Variants in MYH14 observed in about 807,000 individuals in gnomAD.
MYH14 encodes the protein myosin-14.
A neutral mutation model predicts 255.5 loss-of-function variants in MYH14; 123 were observed. The ratio of observed to expected loss-of-function variants is 0.48; its 90% confidence interval spans 0.42 to 0.56. The LOEUF is 0.56. Ranked by LOEUF, MYH14 falls within the 20% of genes least tolerant of loss-of-function variation. MYH14 has a pLI of 0.00. For synonymous variants in MYH14, 1,095 were observed against 1,161.2 expected, an observed-to-expected ratio of 0.94 and a Z score of 1.16; for missense variants, 2,423 against 2,802.3, an observed-to-expected ratio of 0.86 and a Z score of 3.06.
intron 2 of MYH14, among the ~76,000 whole-genome samples, chr19:50,211,406 C>T (rs1192041005): frequency 1.3e-5 from 2 of 152,158 alleles, no homozygotes; most frequent in Non-Finnish European, 2.9e-5. Flanking sequence ...CATTCAATCT[C>T]ACCATAGGAA....
chr19:50,257,506 G>T lies in MYH14; in HGVS notation c.2232+20G>T, dbSNP rs763817727. 1.3e-5 allele frequency: 20 copies of T among 1,584,820 alleles called. No homozygotes were observed. The highest frequency in any genetic ancestry group is 1.7e-5 in the Non-Finnish European group (20 of 1,164,744). ...AAGAGGGTGAGTGACTCAGCCTGGG[G>T]AGGAAGGGGTGGCTGTGGCTGTGGG... On this transcript the variant is annotated intron_variant, in intron 18 of 42. Transcript: ENST00000642316.
At chr19:50,231,778 C>T (rs796454697) in intron 9 of MYH14, among the ~76,000 whole-genome samples, 152 bp from the exon 10 acceptor site, 10 of 151,874 alleles carry the variant, frequency 6.6e-5, no homozygotes, top group African/African-American at 2.2e-4. Context: ...GCCCACTCCA[C>T]CCCCGACCCT....
intron 37 of MYH14, among the ~76,000 whole-genome samples, chr19:50,292,769 T>C (rs1385818887): frequency 6.6e-6 from 1 of 151,384 alleles, no homozygotes; most frequent in African/African-American, 2.4e-5. Context: ...TCACAAAGGC[T>C]GTGGGAGTGG....
At chr19:50,224,046 T>A in intron 5 of MYH14, 108 bp from the exon 6 acceptor site, 1 of 504,342 alleles carries the variant, frequency 2.0e-6, no homozygotes. Flanking sequence ...CAGTCCCCCT[T>A]CCCCCACCCC....
rs1225332176 is a variant in MYH14, at chr19:50,309,896, T to C, written c.*106T>C. The C allele has an allele frequency of 2.5e-6, 3 of 1,211,060 alleles. No homozygotes were observed. Among genetic ancestry groups the C allele is most frequent in the Non-Finnish European group, 3.6e-6 (3 of 837,988 alleles). 75.0% of individuals were successfully genotyped at this position (1,211,060 alleles called of 1,614,324 possible). A position where few individuals can be genotyped will look rare whatever the true frequency, so the allele number is the denominator to read the frequency against. On this transcript the variant is annotated 3_prime_UTR_variant, in exon 43 of 43. Transcript: ENST00000642316. ...ACCCCGCCCTCTGACTTCTTGCCCT[T>C]TGGAAATGGTGCAGCACTCTGGCAT...
At chr19:50,224,046 T>TCCCCCCCCCCCCCTGCCCCC in intron 5 of MYH14, 108 bp from the exon 6 acceptor site, 4 of 504,358 alleles carry the variant, frequency 7.9e-6, no homozygotes, top group South Asian at 2.2e-5. Flanking sequence ...CAGTCCCCCT[T>TCCCCCCCCCCCCCTGCCCCC]CCCCCACCCC....
rs975611566 is a variant in MYH14 at position 50,221,729 on chromosome 19, G to A, written c.563-1354G>A. Among the ~76,000 whole-genome samples, 1 of 151,948 alleles carries A rather than the reference G, an allele frequency of 6.6e-6. No individual in the cohort carries two copies. The highest frequency in any genetic ancestry group is 1.5e-5 in the Non-Finnish European group (1 of 67,994). Reference sequence around the variant, plus strand: ...TGACTTCGGGTGATCTGCTGGCCTCGGCCTCCCAAAGTGCTGGGATTACAG... The same window carrying A: ...TGACTTCGGGTGATCTGCTGGCCTCAGCCTCCCAAAGTGCTGGGATTACAG... On this transcript the variant is annotated intron_variant, in intron 3 of 42. Coordinates refer to ENST00000642316, the MANE Select transcript of MYH14 (RefSeq NM_001145809.2). This position sits in a 1 kb window ranked among gnomAD's most constrained non-coding sequence, Gnocchi z 5.3.
chr19:50,249,768 C>T lies in MYH14; in HGVS notation c.1601C>T (p.Thr534Ile). The change falls in exon 14 of 43, where the codon ACC (threonine) becomes ATC (isoleucine). Residue 534 changes from threonine (T) to isoleucine (I), a missense_variant. Around this residue, in one of 3 missense-constraint regions of MYH14, gnomAD observed 672 missense variants for 881.8 expected, o/e 0.76. Coordinates refer to ENST00000642316, the MANE Select transcript of MYH14 (RefSeq NM_001145809.2). The stretch of plus-strand genomic sequence containing the variant: ...TACCAGCGTGAGGGCATCCCCTGGA[C>T]CTTCCTCGACTTTGGCCTCGACCTG... ...EEYQREGIPW[T>I]FLDFGLDLQP... 6.2e-7 allele frequency: 1 copy of T among 1,614,250 alleles called. No individual in the cohort carries two copies. Among genetic ancestry groups the T allele is most frequent in the Non-Finnish European group, 8.5e-7 (1 of 1,180,048 alleles).
At chr19:50,309,347 C>T in intron 42 of MYH14, 170 bp downstream of exon 42, 2 of 677,280 alleles carry the variant, frequency 3.0e-6, no homozygotes, top group Non-Finnish European at 5.2e-6. Context: ...CAGGTAACTT[C>T]TTTCTTCCCA....
At chr19:50,244,451 C>G (rs2034016999) in intron 11 of MYH14, 114 bp downstream of exon 11, 5 of 778,880 alleles carry the variant, frequency 6.4e-6, no homozygotes, top group Non-Finnish European at 1.1e-5. Context: ...ACACCTGTCT[C>G]CAACCCAGGA....
rs1326006315 is a variant in MYH14 at position 50,249,266 on chromosome 19, C to A, written c.1482+127C>A. ...TCTCTCTCTCTGAGTCTCTGTTCCCCCCTCTCTCTGGTCTCTGTCCCCCTC... is the reference window on the plus strand; with the variant it reads ...TCTCTCTCTCTGAGTCTCTGTTCCCACCTCTCTCTGGTCTCTGTCCCCCTC... On this transcript the variant is annotated intron_variant, in intron 13 of 42. Transcript: ENST00000642316. 3.5e-5 allele frequency: 41 copies of A among 1,156,916 alleles called. 1 individual carries two copies. In the East Asian group the frequency reaches 9.9e-4, roughly 28 times the overall value. The allele number at this position is 1,156,916 out of a possible 1,614,324, so 71.7% of individuals were successfully genotyped here.
At chr19:50,231,822 A>G (rs1018190422) in intron 9 of MYH14, 108 bp from the exon 10 acceptor site, 7 of 1,484,804 alleles carry the variant, frequency 4.7e-6, no homozygotes, top group Non-Finnish European at 6.4e-6. Context: ...GCCCCCACCC[A>G]CTTGACAGTG....
rs189661300 is a variant in MYH14 at position 50,257,536 on chromosome 19, G to A, written c.2232+50G>A. On this transcript the variant is annotated intron_variant, in intron 18 of 42. Coordinates refer to ENST00000642316, the MANE Select transcript of MYH14 (RefSeq NM_001145809.2). ...AGGGGTGGCTGTGGCTGTGGGTTAA[G>A]GTTTGGCCTCTGGACTTGGCTGGAG... 177 of 1,544,666 alleles carry A rather than the reference G, an allele frequency of 1.1e-4. No homozygotes were observed. The African/African-American group carries it at 2.0e-3, about 18-fold the overall frequency.
At chr19:50,208,886 G>A (rs1186620376) in intron 1 of MYH14, among the ~76,000 whole-genome samples, 3 of 151,850 alleles carry the variant, frequency 2.0e-5, no homozygotes, top group Non-Finnish European at 4.4e-5. Context: ...GGGCTCGGTG[G>A]CTCACACCTG....
chr19:50,262,658 T>C (rs1243702910), intron 21 of MYH14, among the ~76,000 whole-genome samples: 1 of 142,324 alleles, frequency 7.0e-6, no homozygotes. Context: ...AGGGGAGGGG[T>C]GGGTCAGCTC....
At position 50,272,703 on chromosome 19, in the gene MYH14, G is replaced by A. The variant is rs1393112947; in HGVS notation, c.3439G>A (p.Glu1147Lys). 9 of 1,551,672 alleles carry A rather than the reference G, an allele frequency of 5.8e-6. No homozygotes were observed. Among genetic ancestry groups the A allele is most frequent in the Non-Finnish European group, 6.1e-6 (7 of 1,148,104 alleles). The part of the protein sequence containing the change: ...EELRAQLGRK[E>K]EELQAALARA... ...GCTGCGGGCCCAGCTGGGCCGGAAG[G>A]AGGAGGAGCTGCAGGCTGCCCTGGC... Residue 1147 changes from glutamate (E) to lysine (K), a missense_variant, in exon 27 of 43, where the codon GAG (glutamate) becomes AAG (lysine). This residue lies in a region of MYH14 where 1,513 missense variants were observed against 1,674.8 expected (regional missense o/e 0.90). Coordinates refer to ENST00000642316, the MANE Select transcript of MYH14 (RefSeq NM_001145809.2).
intron 3 of MYH14, among the ~76,000 whole-genome samples, chr19:50,218,734 A>G (rs1050014879): frequency 2.0e-5 from 3 of 152,010 alleles, no homozygotes; most frequent in Non-Finnish European, 2.9e-5. Flanking sequence ...ACTGCACCCA[A>G]TGTGTAATCT....
rs2034875680 is a variant in MYH14 at position 50,261,534 on chromosome 19, C to T, written c.2484C>T (p.Phe828=). The change falls in exon 21 of 43, where the codon TTC becomes TTT. Residue 828 remains phenylalanine (F), a synonymous_variant. Transcript: ENST00000642316. ...GCGTGGGACAGAGCAAGATCTTCTT[C>T]CGGGCTGGGGTCCTGGCCCAGCTGG... ...LYRVGQSKIF[F]RAGVLAQLEE... The T allele has an allele frequency of 6.3e-7, 1 of 1,588,024 alleles. No homozygotes were observed. Among genetic ancestry groups the T allele is most frequent in the Non-Finnish European group, 8.5e-7 (1 of 1,170,028 alleles).
chr19:50,299,599 T>TA (rs2036407041), intron 39 of MYH14, among the ~76,000 whole-genome samples: 1 of 113,346 alleles, frequency 8.8e-6, no homozygotes, highest in African/African-American at 3.0e-5. Context: ...AAAAAAATTT[T>TA]AAAGGAATAA....
Sources: allele counts gnomAD v4.1 joint callset (sites outside exome capture counted in the v4.1 genomes callset), GRCh38; gene constraint gnomAD v4.1.1; regional missense constraint gnomAD v4.1.1; non-coding constraint Gnocchi (gnomAD v3.1); transcripts MANE v1.5; gene names NCBI Gene and HGNC (gene_info 2026-07-23, HGNC 2026-07-21).